Variants in SMU1 observed in about 807,000 individuals in gnomAD.
SMU1 encodes SMU1 DNA replication regulator and spliceosomal factor.
In SMU1, 2 loss-of-function variants were observed where a neutral mutation model predicts 62.0. That is an observed-to-expected ratio of 0.03 (90% confidence interval 0.01 to 0.10). The LOEUF (loss-of-function observed/expected upper bound fraction) is 0.10. SMU1 is among the 10% of genes least tolerant of loss of function. The pLI is 1.00. For synonymous variants in SMU1, 188 were observed against 212.4 expected, an observed-to-expected ratio of 0.89 and a Z score of 1.00; for missense variants, 227 against 622.1, an observed-to-expected ratio of 0.36 and a Z score of 6.76.
chr9:33,068,154 T>C (rs16918981), intron 4 of SMU1, among the ~76,000 whole-genome samples: 6,024 of 152,290 alleles, frequency 0.04, 150 homozygotes, highest in East Asian at 0.11. Context: ...CAAGACTATA[T>C]AGCTGGTAAA....
intron 6 of SMU1, 131 bp from the exon 7 acceptor site, chr9:33,057,845 C>T (rs1839319289): frequency 1.9e-6 from 2 of 1,076,428 alleles, no homozygotes; most frequent in African/African-American, 3.2e-5. Flanking sequence ...AAGTGCCGTG[C>T]ATACACGTTC....
chr9:33,054,247 G>C lies in SMU1; in HGVS notation c.1123-957C>G, dbSNP rs143226637. On this transcript the variant is annotated intron_variant, in intron 9 of 11. Coordinates refer to ENST00000397149, the MANE Select transcript of SMU1 (RefSeq NM_018225.3). ...TTGCCTCTGCTGGCGTTAAACTCCT[G>C]AGTTCAAGCGATCCTCTCACTTCAG... Among the ~76,000 whole-genome samples the C allele has an allele frequency of 1.4e-4, 21 of 150,934 alleles. 2 individuals are homozygous for C. The highest frequency in any genetic ancestry group is 4.9e-4 in the African/African-American group (20 of 40,984).
At chr9:33,050,265 G>C (rs1032270900) in intron 10 of SMU1, among the ~76,000 whole-genome samples, 1 of 152,150 alleles carries the variant, frequency 6.6e-6, no homozygotes, top group Non-Finnish European at 1.5e-5. Flanking sequence ...GGAGTAACAG[G>C]AACTCTCATT....
At chr9:33,059,026 G>A (rs562385853) in intron 6 of SMU1, among the ~76,000 whole-genome samples, 7 of 152,116 alleles carry the variant, frequency 4.6e-5, no homozygotes, top group African/African-American at 1.7e-4. Context: ...AAAAATTTGT[G>A]GCTTTTCACA....
intron 1 of SMU1, among the ~76,000 whole-genome samples, chr9:33,076,050 T>C (rs1380841324): frequency 6.6e-6 from 1 of 152,144 alleles, no homozygotes; most frequent in East Asian, 1.9e-4. Context: ...CTCTAAGGTA[T>C]GCTAGACACT....
chr9:33,072,739 G>C (rs1839500521), intron 2 of SMU1, among the ~76,000 whole-genome samples: 1 of 148,052 alleles, frequency 6.8e-6, no homozygotes, highest in Admixed American at 7.0e-5. Flanking sequence ...TGAGGCAGGA[G>C]AATCGCTTGA....
chr9:33,053,071 G>C, intron 10 of SMU1, 52 bp downstream of exon 10: 2 of 1,562,958 alleles, frequency 1.3e-6, no homozygotes, highest in South Asian at 2.2e-5. Context: ...AGGAAGTGCT[G>C]ATTTGGGAAT....
At chr9:33,057,793 G>C (rs900140999) in intron 6 of SMU1, 79 bp from the exon 7 acceptor site, 9 of 1,582,404 alleles carry the variant, frequency 5.7e-6, no homozygotes, top group Non-Finnish European at 7.7e-6. Context: ...CAAAAACCAG[G>C]GGCAATGGAT....
intron 2 of SMU1, among the ~76,000 whole-genome samples, chr9:33,073,335 T>C (rs1839508550): frequency 6.6e-6 from 1 of 152,026 alleles, no homozygotes; most frequent in Non-Finnish European, 1.5e-5. Context: ...AAATGGAGGA[T>C]GCAGCAAGCT....
intron 4 of SMU1, among the ~76,000 whole-genome samples, chr9:33,064,380 G>T (rs1376486889): frequency 6.6e-6 from 1 of 152,182 alleles, no homozygotes; most frequent in African/African-American, 2.4e-5. Context: ...TTATCTCCCA[G>T]TGTTTTTCTA....
chr9:33,050,926 C>T (rs1839239535), intron 10 of SMU1, among the ~76,000 whole-genome samples: 2 of 80,964 alleles, frequency 2.5e-5, no homozygotes, highest in Admixed American at 1.2e-4. Flanking sequence ...TCGAGACCAT[C>T]CTGGCTAACA....
Position 33,056,809 on chromosome 9 carries a change from T to A in SMU1, c.995+28A>T. On this transcript the variant is annotated intron_variant, in intron 8 of 11. Coordinates refer to ENST00000397149, the MANE Select transcript of SMU1 (RefSeq NM_018225.3). Reference sequence around the variant, plus strand: ...ATGGCCTCATTATATCAAACTCAAGTGAGAGCAGTTTTGGGATTTTTACTT... The same window carrying A: ...ATGGCCTCATTATATCAAACTCAAGAGAGAGCAGTTTTGGGATTTTTACTT... The A allele has an allele frequency of 3.1e-6, 5 of 1,607,504 alleles. No individual in the cohort carries two copies. In the South Asian group the frequency reaches 5.5e-5, roughly 18 times the overall value.
At chr9:33,071,683 C>T (rs1183246176) in intron 3 of SMU1, 57 bp downstream of exon 3, 2 of 1,316,234 alleles carry the variant, frequency 1.5e-6, no homozygotes, top group East Asian at 2.6e-5. Context: ...AAAAAAAGAT[C>T]ATGTTATTTC....
intron 3 of SMU1, among the ~76,000 whole-genome samples, chr9:33,069,805 A>G (rs1405797021): frequency 2.6e-5 from 4 of 151,958 alleles, no homozygotes; most frequent in Non-Finnish European, 5.9e-5. Flanking sequence ...TCTGTCTCAG[A>G]AAAATAAATA....
At chr9:33,067,790 C>T (rs1174011306) in intron 4 of SMU1, among the ~76,000 whole-genome samples, 2 of 151,968 alleles carry the variant, frequency 1.3e-5, no homozygotes, top group African/African-American at 2.4e-5. Context: ...TGGGCCACCA[C>T]GCCAGGCCAA....
intron 4 of SMU1, among the ~76,000 whole-genome samples, chr9:33,066,505 T>TAAA (rs35501819): frequency 0.2 from 20,347 of 99,732 alleles, 2,403 homozygotes; most frequent in Middle Eastern, 0.24. Context: ...TCCATTTAAT[T>TAAA]AAAAAAAAAA....
chr9:33,064,896 T>G (rs1046427369), intron 4 of SMU1, among the ~76,000 whole-genome samples: 1 of 152,086 alleles, frequency 6.6e-6, no homozygotes. Flanking sequence ...GCGCACGCCA[T>G]GATGGCCAGC....
Position 33,053,100 on chromosome 9 carries a change from A to G in SMU1, c.1290+23T>C, listed in dbSNP as rs773170979. On this transcript the variant is annotated intron_variant, in intron 10 of 11. Coordinates refer to ENST00000397149, the MANE Select transcript of SMU1 (RefSeq NM_018225.3). ...TGGGAATGGCCCACAGTTCCTGTGC[A>G]AGGGTACGTTCTGAACACTCACCTG... The G allele has an allele frequency of 1.2e-5, 20 of 1,607,282 alleles. No homozygotes were observed. In the Admixed American group the frequency reaches 2.3e-4, roughly 19 times the overall value.
intron 6 of SMU1, among the ~76,000 whole-genome samples, chr9:33,058,082 T>TGAA (rs1839321392): frequency 6.6e-6 from 1 of 152,230 alleles, no homozygotes; most frequent in Non-Finnish European, 1.5e-5. Flanking sequence ...AATGATCAGC[T>TGAA]ACCTTTCCTG....
Sources: gnomAD v4.1 joint callset for allele counts (sites outside exome capture counted in the v4.1 genomes callset) on GRCh38, gnomAD v4.1.1 for gene constraint, MANE v1.5 for transcripts, NCBI Gene and HGNC (gene_info 2026-07-23, HGNC 2026-07-21) for gene names.